VWA8: variants seen among roughly 807,000 people sequenced by gnomAD.
VWA8 encodes the protein von Willebrand factor A domain-containing protein 8.
Under a neutral mutation model 241.5 loss-of-function variants are expected in VWA8, and 221 were observed. The observed-to-expected ratio is 0.91, with a 90% CI of 0.82 to 1.02. The LOEUF (loss-of-function observed/expected upper bound fraction) is 1.02. VWA8 is among the 50% of genes least tolerant of loss of function. The pLI is 0.00. For missense variants in VWA8, 2,322 were observed against 2,328.7 expected, an observed-to-expected ratio of 1.00 and a Z score of 0.06; for synonymous variants, 852 against 827.1, an observed-to-expected ratio of 1.03 and a Z score of -0.52.
intron 39 of VWA8, among the ~76,000 whole-genome samples, chr13:41,610,279 C>T (rs2044578759): frequency 6.6e-6 from 1 of 152,212 alleles, no homozygotes. Context: ...ACACTATTCT[C>T]TACCCTTTTT....
rs377638822 is a variant in VWA8 at position 41,958,245 on chromosome 13, C to CAA, written c.163+2607_163+2608insTT. ...ACAAAGGTCCTCTCTTGAGAGCAAA[C>CAA]GACAATTCCAGCCTCTCCTGCTCCT... On this transcript the variant is annotated intron_variant, in intron 1 of 44. Transcript: ENST00000379310. Among the ~76,000 whole-genome samples the CAA allele has an allele frequency of 1.7e-3, 258 of 152,256 alleles. 2 individuals carry two copies. The highest frequency in any genetic ancestry group is 5.7e-3 in the African/African-American group (237 of 41,540).
Position 41,883,497 on chromosome 13 carries a change from T to C in VWA8, c.976-6A>G. On this transcript the variant is annotated splice_polypyrimidine_tract_variant and splice_region_variant and intron_variant, in intron 8 of 44. Transcript: ENST00000379310. ...GGCATCATAGGAAAGGAATCCTATG[T>C]AGGAGCAAAAATACATAGGAATGAG... 1 of 1,601,218 alleles carries C rather than the reference T, an allele frequency of 6.2e-7. No homozygotes were observed. Among genetic ancestry groups the C allele is most frequent in the Non-Finnish European group, 8.6e-7 (1 of 1,169,048 alleles).
intron 9 of VWA8, among the ~76,000 whole-genome samples, chr13:41,875,710 C>T (rs1259672236): frequency 6.6e-6 from 1 of 152,054 alleles, no homozygotes; most frequent in Non-Finnish European, 1.5e-5. Flanking sequence ...TTGACCAGTA[C>T]ACAGTAAGGT....
rs544807995 is a variant in VWA8 at position 41,858,961 on chromosome 13, C to T, written c.1425+6775G>A. ...GCAGGGTGCTTCACACTTGTAATCTCAGAGCTTTAGGAGGCTGAGGTGGGA... is the reference window on the plus strand; with the variant it reads ...GCAGGGTGCTTCACACTTGTAATCTTAGAGCTTTAGGAGGCTGAGGTGGGA... On this transcript the variant is annotated intron_variant, in intron 12 of 44. Transcript: ENST00000379310. 5.9e-5 allele frequency among the ~76,000 whole-genome samples: 9 copies of T among 152,114 alleles called. No individual in the cohort carries two copies. In the Middle Eastern group the frequency reaches 0.01, roughly 172 times the overall value.
chr13:41,685,894 C>T (rs758954816), intron 34 of VWA8, among the ~76,000 whole-genome samples: 5 of 152,078 alleles, frequency 3.3e-5, no homozygotes, highest in Non-Finnish European at 5.9e-5. Flanking sequence ...ATTTTTACCA[C>T]GTATGTATTT....
intron 40 of VWA8, among the ~76,000 whole-genome samples, chr13:41,601,220 T>C: frequency 6.6e-6 from 1 of 152,146 alleles, no homozygotes; most frequent in East Asian, 1.9e-4. Flanking sequence ...AGCTTCCCTC[T>C]ACCTAGGTAC....
chr13:41,584,129 G>A (rs2044401877), intron 42 of VWA8, among the ~76,000 whole-genome samples: 1 of 152,202 alleles, frequency 6.6e-6, no homozygotes, highest in African/African-American at 2.4e-5. Flanking sequence ...ACCTAAGTGA[G>A]GGCACATGGG....
intron 14 of VWA8, among the ~76,000 whole-genome samples, chr13:41,823,111 T>A (rs1015004846): frequency 6.6e-6 from 1 of 152,194 alleles, no homozygotes; most frequent in Admixed American, 6.5e-5. Context: ...CCTGGATCTA[T>A]CTAGAATTTT....
intron 19 of VWA8, among the ~76,000 whole-genome samples, chr13:41,780,951 T>A (rs1868860604): frequency 6.6e-6 from 1 of 152,180 alleles, no homozygotes; most frequent in Admixed American, 6.5e-5. Flanking sequence ...TCCACTGACT[T>A]GATCTCCTTA....
rs2045466062 is a variant in VWA8, at chr13:41,729,689, GA to G, written c.2503-13del. On this transcript the variant is annotated splice_polypyrimidine_tract_variant and intron_variant, in intron 22 of 44. Coordinates refer to ENST00000379310, the MANE Select transcript of VWA8 (RefSeq NM_015058.2). ...TTTACTGCTTTAACCTTTGACGACAGAAAATTTATCATAAACAATTAAATGA... is the reference window on the plus strand; with the variant it reads ...TTTACTGCTTTAACCTTTGACGACAGAAATTTATCATAAACAATTAAATGA... 2 of 1,599,856 alleles carry G rather than the reference GA, an allele frequency of 1.3e-6. No homozygotes were observed. The highest frequency in any genetic ancestry group is 1.7e-6 in the Non-Finnish European group (2 of 1,175,502).
intron 9 of VWA8, among the ~76,000 whole-genome samples, chr13:41,874,450 C>CA (rs1213871369): frequency 2.0e-5 from 3 of 152,002 alleles, no homozygotes; most frequent in Non-Finnish European, 2.9e-5. Context: ...TGTCTCAGCC[C>CA]AAAATCTCCT....
In VWA8 at chr13:41,816,780, T is replaced by G. The variant is rs367609465; in HGVS notation, c.1870-5A>C. The G allele has an allele frequency of 2.5e-6, 4 of 1,610,584 alleles. No individual in the cohort carries two copies. The highest frequency in any genetic ancestry group is 1.7e-4 in the Middle Eastern group (1 of 6,046). ...TTCCTGAGGTACATTTGGGACCTATTTTTTGAAAGAGTTGAGGACAAACAG... is the reference window on the plus strand; with the variant it reads ...TTCCTGAGGTACATTTGGGACCTATGTTTTGAAAGAGTTGAGGACAAACAG... On this transcript the variant is annotated splice_region_variant and splice_polypyrimidine_tract_variant and intron_variant, in intron 15 of 44. Transcript: ENST00000379310.
chr13:41,930,444 C>T (rs1877051154), intron 2 of VWA8, among the ~76,000 whole-genome samples: 1 of 152,146 alleles, frequency 6.6e-6, no homozygotes, highest in Non-Finnish European at 1.5e-5. Context: ...TTCACAATAG[C>T]AAAGATACGG....
chr13:41,587,471 G>C, intron 42 of VWA8, 41 bp downstream of exon 42: 1 of 1,610,512 alleles, frequency 6.2e-7, no homozygotes. Flanking sequence ...CCATCATCAT[G>C]GTCAATGATG....
At chr13:41,800,802 A>G (rs936476807) in intron 17 of VWA8, among the ~76,000 whole-genome samples, 1 of 151,884 alleles carries the variant, frequency 6.6e-6, no homozygotes, top group African/African-American at 2.4e-5. Context: ...CCAAAAAAAA[A>G]AAAAAAAACA....
Position 41,690,160 on chromosome 13 carries a change from A to T in VWA8, c.3976+6T>A, listed in dbSNP as rs763950251. 1 of 1,609,888 alleles carries T rather than the reference A, an allele frequency of 6.2e-7. No individual in the cohort carries two copies. The highest frequency in any genetic ancestry group is 1.1e-5 in the South Asian group (1 of 90,898). On this transcript the variant is annotated splice_donor_region_variant and intron_variant, in intron 33 of 44. Transcript: ENST00000379310. Reference sequence around the variant, plus strand: ...CAGCCATAAACACAGATGACATAGTATTTACCTTGTGTAACTCCAAACCCT... The same window carrying T: ...CAGCCATAAACACAGATGACATAGTTTTTACCTTGTGTAACTCCAAACCCT...
Position 41,592,798 on chromosome 13 carries a change from A to G in VWA8, c.4987-2033T>C, listed in dbSNP as rs1459491571. ...CTAACTGTTCTTTCACCACTGTTCA[A>G]TATCTGATCTGAAGCAAATTACTTA... On this transcript the variant is annotated intron_variant, in intron 40 of 44. Transcript: ENST00000379310. 3.3e-5 allele frequency among the ~76,000 whole-genome samples: 5 copies of G among 151,328 alleles called. No individual in the cohort carries two copies. In the South Asian group the frequency reaches 8.3e-4, roughly 25 times the overall value.
chr13:41,618,339 T>C (rs2044635138), intron 37 of VWA8, among the ~76,000 whole-genome samples: 1 of 152,222 alleles, frequency 6.6e-6, no homozygotes. Context: ...GACTTTTTCT[T>C]GTAAATTTAA....
intron 2 of VWA8, among the ~76,000 whole-genome samples, chr13:41,935,814 A>G (rs983764047): frequency 8.6e-5 from 13 of 151,818 alleles, no homozygotes; most frequent in African/African-American, 2.9e-4. Context: ...ACACTCTGAA[A>G]TCTGTACTAT....
Sources: gnomAD v4.1 joint callset for allele counts (sites outside exome capture counted in the v4.1 genomes callset) on GRCh38, gnomAD v4.1.1 for gene constraint, MANE v1.5 for transcripts, NCBI Gene and HGNC (gene_info 2026-07-23, HGNC 2026-07-21) for gene names.